The following STK32B variants were observed in gnomAD, a reference collection of about 807,000 sequenced individuals.
STK32B encodes the protein serine/threonine kinase 32B.
STK32B carries 43 observed loss-of-function variants against 52.6 expected under a neutral mutation model. The observed-to-expected ratio is 0.82, with a 90% CI of 0.64 to 1.05. The LOEUF (loss-of-function observed/expected upper bound fraction) is 1.05, where lower values mean the gene tolerates loss of function less well. STK32B is among the 50% of genes least tolerant of loss of function. STK32B has a pLI of 0.00. For missense variants in STK32B, 621 were observed against 534.6 expected (o/e 1.16, Z -1.59); for synonymous variants, 238 against 204.3 (o/e 1.17, Z -1.41).
intron 1 of STK32B, among the ~76,000 whole-genome samples, chr4:5,052,584 C>T (rs1741834159): frequency 6.6e-6 from 1 of 152,176 alleles, no homozygotes; most frequent in Non-Finnish European, 1.5e-5. Flanking sequence ...AACCCTCTTT[C>T]CAGTGCAGCG....
chr4:5,341,969 AT>A (rs1421865316), intron 4 of STK32B, among the ~76,000 whole-genome samples: 1 of 152,070 alleles, frequency 6.6e-6, no homozygotes, highest in Non-Finnish European at 1.5e-5. Flanking sequence ...TACATTAGGT[AT>A]TTCTCCTAAT....
chr4:5,387,217 C>G (rs561485265), intron 4 of STK32B, among the ~76,000 whole-genome samples: 11 of 152,180 alleles, frequency 7.2e-5, no homozygotes, highest in Non-Finnish European at 1.3e-4. Context: ...TGTACGGAAG[C>G]CTGGGCCTCT....
chr4:5,441,408 A>G (rs1393599928), intron 6 of STK32B, among the ~76,000 whole-genome samples: 1,713 of 151,022 alleles, frequency 0.011, 23 homozygotes, highest in African/African-American at 0.039. Flanking sequence ...TGTTTGTAGT[A>G]TTCTCTGATG....
intron 3 of STK32B, among the ~76,000 whole-genome samples, chr4:5,195,353 T>C (rs77425971): frequency 0.012 from 1,838 of 152,258 alleles, 35 homozygotes; most frequent in African/African-American, 0.041. Flanking sequence ...TCCTCCTCCT[T>C]AGGCCAGCAA....
chr4:5,487,327 G>C (rs564007790), intron 11 of STK32B, among the ~76,000 whole-genome samples: 2 of 152,192 alleles, frequency 1.3e-5, no homozygotes, highest in African/African-American at 2.4e-5. Flanking sequence ...GAAGTGTTGA[G>C]TTAACATTAT....
the STK32B span, among the ~76,000 whole-genome samples, chr4:5,025,781 G>A: frequency 7.2e-5 from 11 of 152,324 alleles, no homozygotes; most frequent in Admixed American, 2.6e-4. Context: ...CTATGGTACT[G>A]GCCCAACAGA....
At chr4:5,391,567 T>C (rs764926074) in intron 4 of STK32B, among the ~76,000 whole-genome samples, 13 of 152,092 alleles carry the variant, frequency 8.5e-5, no homozygotes, top group Admixed American at 3.9e-4. Flanking sequence ...GGGAAAAGGA[T>C]GTGGCATCCA....
chr4:5,056,591 G>A (rs999959096), intron 1 of STK32B, among the ~76,000 whole-genome samples: 7 of 152,156 alleles, frequency 4.6e-5, no homozygotes, highest in Non-Finnish European at 7.3e-5. Flanking sequence ...TGGGGCTCCC[G>A]CCCCCTCCAT....
intron 3 of STK32B, among the ~76,000 whole-genome samples, chr4:5,289,685 A>ATTTTTTTTTT (rs56211807): frequency 1.6e-4 from 14 of 86,882 alleles, no homozygotes; most frequent in Middle Eastern, 5.7e-3. Context: ...TGCCCGGCTA[A>ATTTTTTTTTT]TTTTTTTTTT....
intron 3 of STK32B, among the ~76,000 whole-genome samples, chr4:5,191,863 T>C (rs1721232037): frequency 6.6e-6 from 1 of 152,180 alleles, no homozygotes; most frequent in African/African-American, 2.4e-5. Flanking sequence ...AAATGTCCTA[T>C]TCCAAATCCA....
intron 1 of STK32B, among the ~76,000 whole-genome samples, chr4:5,098,730 G>T (rs1393575342): frequency 6.6e-6 from 1 of 152,172 alleles, no homozygotes; most frequent in African/African-American, 2.4e-5. Flanking sequence ...TCTCCCAGCT[G>T]TTCTCTCTTT....
chr4:5,373,450 G>A (rs1032813321), intron 4 of STK32B, among the ~76,000 whole-genome samples: 4 of 152,188 alleles, frequency 2.6e-5, no homozygotes, highest in African/African-American at 9.7e-5. Context: ...TTTTAAGGTA[G>A]TCAGGCAGAA....
the STK32B span, among the ~76,000 whole-genome samples, chr4:5,023,653 T>C: frequency 6.6e-6 from 1 of 152,232 alleles, no homozygotes; most frequent in African/African-American, 2.4e-5. Flanking sequence ...CAACTCTCTT[T>C]TGGAGCTACC....
chr4:5,350,806 G>T (rs940509005), intron 4 of STK32B, among the ~76,000 whole-genome samples: 4 of 151,940 alleles, frequency 2.6e-5, no homozygotes, highest in Non-Finnish European at 1.5e-5. Context: ...GATATTCCAT[G>T]CAAAGAAAAA....
intron 4 of STK32B, among the ~76,000 whole-genome samples, chr4:5,344,749 T>C (rs982461801): frequency 1.3e-5 from 2 of 152,032 alleles, no homozygotes; most frequent in African/African-American, 4.8e-5. Flanking sequence ...TCCAAAACAC[T>C]AGCCAACACC....
chr4:5,430,735 A>G (rs10084877), intron 6 of STK32B, among the ~76,000 whole-genome samples: 1,736 of 152,264 alleles, frequency 0.011, 25 homozygotes, highest in African/African-American at 0.04. Context: ...AGTCAATCTA[A>G]TTAGTAGTTG....
rs77700104 is a variant in STK32B, at chr4:5,270,550, A to G, written c.261-60670A>G. Among the ~76,000 whole-genome samples, 1,399 of 152,238 alleles carry G rather than the reference A, an allele frequency of 9.2e-3. 52 individuals carry two copies. The East Asian group carries it at 0.11, about 12-fold the overall frequency. ...TGCATTCTTCAATCCAATCAAGTTGACACTCAATACTAACCATCACAGGTG... is the reference window on the plus strand; with the variant it reads ...TGCATTCTTCAATCCAATCAAGTTGGCACTCAATACTAACCATCACAGGTG... On this transcript the variant is annotated intron_variant, in intron 3 of 11. Transcript: ENST00000282908.
intron 3 of STK32B, among the ~76,000 whole-genome samples, chr4:5,174,518 A>G (rs368837617): frequency 6.6e-6 from 1 of 152,112 alleles, no homozygotes; most frequent in South Asian, 2.1e-4. Flanking sequence ...ATCTCTCAGC[A>G]TTTGTTTGTC....
intron 6 of STK32B, among the ~76,000 whole-genome samples, chr4:5,417,929 C>T (rs1050743952): frequency 6.6e-6 from 1 of 152,214 alleles, no homozygotes; most frequent in East Asian, 1.9e-4. Flanking sequence ...CATTCTTTCT[C>T]TATGTGGTCT....
Sources: allele counts gnomAD v4.1 joint callset (sites outside exome capture counted in the v4.1 genomes callset), GRCh38; gene constraint gnomAD v4.1.1; transcripts MANE v1.5; gene names NCBI Gene and HGNC (gene_info 2026-07-23, HGNC 2026-07-21).